Variants in ST6GALNAC3 observed in about 807,000 individuals in gnomAD.
ST6GALNAC3 encodes ST6 N-acetylgalactosaminide alpha-2,6-sialyltransferase 3, also known as alpha-N-acetylgalactosaminide alpha-2,6-sialyltransferase 3.
Under a neutral mutation model 32.7 loss-of-function variants are expected in ST6GALNAC3, and 25 were observed. That is an observed-to-expected ratio of 0.76 (90% CI 0.56 to 1.07). The LOEUF (loss-of-function observed/expected upper bound fraction) is 1.07. Ranked by LOEUF, ST6GALNAC3 falls within the 50% of genes least tolerant of loss-of-function variation. ST6GALNAC3 has a pLI of 0.00. For synonymous variants in ST6GALNAC3, 129 were observed against 133.1 expected (o/e 0.97, Z 0.21); for missense variants, 355 against 382.4 (o/e 0.93, Z 0.60).
chr1:76,452,760 C>T (rs113065498), intron 3 of ST6GALNAC3, among the ~76,000 whole-genome samples: 9,348 of 151,990 alleles, frequency 0.062, 422 homozygotes, highest in Non-Finnish European at 0.087. Context: ...TATGTCATTT[C>T]CTGGTTTTGG....
chr1:76,226,405 G>A (rs1262735872), intron 1 of ST6GALNAC3, among the ~76,000 whole-genome samples: 1 of 152,148 alleles, frequency 6.6e-6, no homozygotes, highest in Admixed American at 6.5e-5. Context: ...TTTTCTTCTA[G>A]AGGATTGAAT....
intron 3 of ST6GALNAC3, among the ~76,000 whole-genome samples, chr1:76,584,845 G>C (rs1459917459): frequency 6.6e-6 from 1 of 152,190 alleles, no homozygotes; most frequent in East Asian, 1.9e-4. Flanking sequence ...TATGTGGAAA[G>C]AAATGATATA....
intron 1 of ST6GALNAC3, among the ~76,000 whole-genome samples, chr1:76,206,909 C>T (rs906464814): frequency 2.0e-5 from 3 of 152,176 alleles, no homozygotes; most frequent in Non-Finnish European, 2.9e-5. Context: ...TTTCGTCCCT[C>T]TAAATAGACA....
At chr1:76,383,801 G>C (rs930686796) in intron 2 of ST6GALNAC3, among the ~76,000 whole-genome samples, 4 of 152,138 alleles carry the variant, frequency 2.6e-5, no homozygotes, top group Non-Finnish European at 5.9e-5. Flanking sequence ...TAAGGCTCTT[G>C]CAATGTTTCA....
intron 1 of ST6GALNAC3, among the ~76,000 whole-genome samples, chr1:76,212,009 T>C (rs495796): frequency 0.17 from 26,181 of 152,174 alleles, 2,403 homozygotes; most frequent in Middle Eastern, 0.23. Flanking sequence ...CTGCAACATA[T>C]GAATTTTGGG....
At chr1:76,502,110 G>A (rs1374896177) in intron 3 of ST6GALNAC3, among the ~76,000 whole-genome samples, 1 of 152,172 alleles carries the variant, frequency 6.6e-6, no homozygotes, top group Non-Finnish European at 1.5e-5. Context: ...CCCCACAGCA[G>A]CCTCCCTTTA....
At chr1:76,594,356 A>C (rs1488203508) in intron 3 of ST6GALNAC3, among the ~76,000 whole-genome samples, 1 of 151,848 alleles carries the variant, frequency 6.6e-6, no homozygotes, top group African/African-American at 2.4e-5. Flanking sequence ...CATCTACCCA[A>C]CTCTTTAAAG....
chr1:76,329,299 G>A (rs906116240), intron 2 of ST6GALNAC3, among the ~76,000 whole-genome samples: 13 of 152,088 alleles, frequency 8.5e-5, no homozygotes, highest in Non-Finnish European at 1.8e-4. Context: ...TCATGCCCAT[G>A]AGCCTCCTCT....
chr1:76,519,980 T>C (rs1390517227), intron 3 of ST6GALNAC3, among the ~76,000 whole-genome samples: 3 of 151,862 alleles, frequency 2.0e-5, no homozygotes, highest in African/African-American at 7.2e-5. Context: ...TTTACACTTA[T>C]ATACACTGAA....
intron 1 of ST6GALNAC3, among the ~76,000 whole-genome samples, chr1:76,156,892 C>T (rs181620850): frequency 1.1e-4 from 17 of 152,286 alleles, no homozygotes; most frequent in African/African-American, 3.4e-4. Context: ...CCACCACGCC[C>T]GGCTAATTTT....
At chr1:76,523,147 T>A (rs1029093771) in intron 3 of ST6GALNAC3, among the ~76,000 whole-genome samples, 1 of 152,180 alleles carries the variant, frequency 6.6e-6, no homozygotes, top group Non-Finnish European at 1.5e-5. Context: ...CAGTATCAGA[T>A]ACAAAGGCGT....
At chr1:76,305,966 C>T (rs778147246) in intron 1 of ST6GALNAC3, 1 of 516,266 alleles carries the variant, frequency 1.9e-6, no homozygotes, top group South Asian at 1.4e-5. Flanking sequence ...GTTATTCATA[C>T]TAATGGGAAC....
chr1:76,275,784 G>C (rs1408578219), intron 1 of ST6GALNAC3, among the ~76,000 whole-genome samples: 1 of 152,094 alleles, frequency 6.6e-6, no homozygotes, highest in Admixed American at 6.5e-5. Flanking sequence ...AGTATTTACT[G>C]TCTTGTATAT....
chr1:76,259,912 G>A (rs551190558), intron 1 of ST6GALNAC3, among the ~76,000 whole-genome samples: 1 of 152,086 alleles, frequency 6.6e-6, no homozygotes, highest in African/African-American at 2.4e-5. Flanking sequence ...TAGAACCTGG[G>A]ATGACACTCT....
At chr1:76,137,564 C>G (rs958995341) in intron 1 of ST6GALNAC3, among the ~76,000 whole-genome samples, 1 of 152,150 alleles carries the variant, frequency 6.6e-6, no homozygotes, top group East Asian at 1.9e-4. Flanking sequence ...AATCTTCCTC[C>G]CACCTACCGT....
intron 3 of ST6GALNAC3, among the ~76,000 whole-genome samples, chr1:76,450,491 G>A (rs1356324662): frequency 1.3e-5 from 2 of 152,084 alleles, no homozygotes; most frequent in Admixed American, 6.6e-5. Context: ...TGTATAGATT[G>A]TGAAGATTTT....
chr1:76,347,672 T>A (rs1191657683), intron 2 of ST6GALNAC3, among the ~76,000 whole-genome samples: 1 of 152,132 alleles, frequency 6.6e-6, no homozygotes, highest in Non-Finnish European at 1.5e-5. Flanking sequence ...GTACTTTTGC[T>A]TACTAAATAT....
chr1:76,389,690 T>C (rs1652387056), intron 2 of ST6GALNAC3, among the ~76,000 whole-genome samples: 1 of 152,234 alleles, frequency 6.6e-6, no homozygotes, highest in East Asian at 1.9e-4. Context: ...TTTTAACTCA[T>C]CCTCTTTAAA....
intron 3 of ST6GALNAC3, among the ~76,000 whole-genome samples, chr1:76,421,779 G>C (rs1310689553): frequency 1.3e-5 from 2 of 151,964 alleles, no homozygotes; most frequent in African/African-American, 4.8e-5. Flanking sequence ...GAATAAATTT[G>C]TATATAGACT....
Sources: gnomAD v4.1 joint callset for allele counts (sites outside exome capture counted in the v4.1 genomes callset) on GRCh38, gnomAD v4.1.1 for gene constraint, MANE v1.5 for transcripts, NCBI Gene and HGNC (gene_info 2026-07-23, HGNC 2026-07-21) for gene names.